THSD4: variants seen among roughly 807,000 people sequenced by gnomAD.
THSD4 encodes the protein thrombospondin type-1 domain-containing protein 4.
THSD4 carries 69 observed loss-of-function variants against 119.0 expected under a neutral mutation model. The ratio of observed to expected loss-of-function variants is 0.58; its 90% CI spans 0.48 to 0.71. THSD4 has a LOEUF of 0.71. THSD4 is among the 30% of genes least tolerant of loss of function. The pLI, the probability that THSD4 is intolerant of heterozygous loss-of-function variation, is 0.00. For missense variants in THSD4, 1,393 were observed against 1,391.1 expected (o/e 1.00, Z -0.02); for synonymous variants, 524 against 540.4 (o/e 0.97, Z 0.42).
chr15:71,743,325 C>G (rs2053272400), intron 11 of THSD4, among the ~76,000 whole-genome samples: 1 of 152,142 alleles, frequency 6.6e-6, no homozygotes, highest in Admixed American at 6.5e-5. Context: ...TGAGATAGTT[C>G]CTTTTGCTTT....
intron 6 of THSD4, among the ~76,000 whole-genome samples, chr15:71,314,929 T>G (rs1238083546): frequency 6.6e-6 from 1 of 152,212 alleles, no homozygotes; most frequent in East Asian, 1.9e-4. Flanking sequence ...ATACTTTCAC[T>G]CTCTTATCTA....
At chr15:71,300,668 A>C (rs779656379) in intron 6 of THSD4, among the ~76,000 whole-genome samples, 10 of 152,224 alleles carry the variant, frequency 6.6e-5, no homozygotes, top group Non-Finnish European at 1.3e-4. Context: ...ACTATAGTAA[A>C]AATCTAGAAT....
At chr15:71,415,467 C>T (rs2046747218) in intron 7 of THSD4, among the ~76,000 whole-genome samples, 1 of 152,168 alleles carries the variant, frequency 6.6e-6, no homozygotes, top group Non-Finnish European at 1.5e-5. Context: ...TACAGGCAAA[C>T]AATATATAAT....
chr15:71,231,812 T>C (rs1043977909), intron 4 of THSD4, among the ~76,000 whole-genome samples: 9 of 152,196 alleles, frequency 5.9e-5, no homozygotes, highest in Non-Finnish European at 1.0e-4. Flanking sequence ...GTCAGAGTTT[T>C]GCCTCTTATC....
At chr15:71,565,620 G>A (rs1348125942) in intron 7 of THSD4, among the ~76,000 whole-genome samples, 1 of 150,018 alleles carries the variant, frequency 6.7e-6, no homozygotes, top group Non-Finnish European at 1.5e-5. Flanking sequence ...GGAAGGATGT[G>A]TTAGAAGTGA....
chr15:71,187,435 T>A (rs1159937264), intron 3 of THSD4: 1 of 152,636 alleles, frequency 6.6e-6, no homozygotes, highest in Non-Finnish European at 1.5e-5. Context: ...TTGTCCATTG[T>A]CCTAAGGTTG....
At chr15:71,103,820 TG>T (rs1331994431) in intron 1 of THSD4, among the ~76,000 whole-genome samples, 1 of 152,094 alleles carries the variant, frequency 6.6e-6, no homozygotes, top group Non-Finnish European at 1.5e-5. Flanking sequence ...ACTCTCTCTC[TG>T]ACTCTTCAGA....
intron 6 of THSD4, among the ~76,000 whole-genome samples, chr15:71,280,281 T>C (rs1345218543): frequency 6.6e-6 from 1 of 152,128 alleles, no homozygotes; most frequent in Admixed American, 6.5e-5. Flanking sequence ...GGCCAGATTA[T>C]AGAGGGCCTC....
At chr15:71,366,510 G>A (rs2045967029) in intron 6 of THSD4, among the ~76,000 whole-genome samples, 1 of 152,228 alleles carries the variant, frequency 6.6e-6, no homozygotes, top group Non-Finnish European at 1.5e-5. Flanking sequence ...TTCTTCTGAG[G>A]CTCCTCCTGG....
intron 6 of THSD4, among the ~76,000 whole-genome samples, chr15:71,368,619 G>T (rs1489936477): frequency 6.6e-6 from 1 of 152,090 alleles, no homozygotes; most frequent in East Asian, 1.9e-4. Context: ...ATTTCTGAGG[G>T]CTGTGTTCTG....
At chr15:71,508,090 C>A (rs766926683) in intron 7 of THSD4, among the ~76,000 whole-genome samples, 1 of 152,126 alleles carries the variant, frequency 6.6e-6, no homozygotes, top group South Asian at 2.1e-4. Flanking sequence ...GCTAAGGGGG[C>A]GGGAGGACCA....
At chr15:71,399,345 A>C (rs2046493769) in intron 6 of THSD4, among the ~76,000 whole-genome samples, 1 of 152,170 alleles carries the variant, frequency 6.6e-6, no homozygotes, top group African/African-American at 2.4e-5. Flanking sequence ...TAAAATTTAC[A>C]AAAGGTAGGA....
At chr15:71,223,077 C>T (rs1372828) in intron 4 of THSD4, among the ~76,000 whole-genome samples, 79,923 of 152,086 alleles carry the variant, frequency 0.53, 21,674 homozygotes, top group Admixed American at 0.63. Flanking sequence ...CGTCTCAATG[C>T]CTTCCACCTG....
chr15:71,664,089 T>G (rs1477749978), intron 8 of THSD4, among the ~76,000 whole-genome samples: 5 of 151,984 alleles, frequency 3.3e-5, no homozygotes, highest in Non-Finnish European at 5.9e-5. Context: ...TTCACGCCAT[T>G]CTCCTGCCTC....
chr15:71,746,447 TGCAGTGGC>T (rs552590792), intron 12 of THSD4, among the ~76,000 whole-genome samples: 1 of 152,254 alleles, frequency 6.6e-6, no homozygotes, highest in South Asian at 2.1e-4. Flanking sequence ...CAGGCTGGAG[TGCAGTGGC>T]ACAATCATGG....
intron 7 of THSD4, among the ~76,000 whole-genome samples, chr15:71,515,602 C>G (rs905456315): frequency 2.0e-5 from 3 of 152,114 alleles, no homozygotes; most frequent in African/African-American, 7.2e-5. Flanking sequence ...AAATCTTCGG[C>G]TATTTAAAGC....
At chr15:71,697,918 C>CT (rs5813654) in intron 8 of THSD4, among the ~76,000 whole-genome samples, 29,026 of 146,574 alleles carry the variant, frequency 0.2, 3,199 homozygotes, top group African/African-American at 0.32. Context: ...AGAAATAATC[C>CT]TTTTTTTTTT....
intron 6 of THSD4, among the ~76,000 whole-genome samples, chr15:71,381,797 G>A (rs1311618350): frequency 6.6e-6 from 1 of 152,146 alleles, no homozygotes; most frequent in Non-Finnish European, 1.5e-5. Flanking sequence ...TTTTGGAACA[G>A]TCATCTTAAT....
intron 6 of THSD4, chr15:71,348,118 T>C (rs1339904949): frequency 6.6e-6 from 1 of 152,226 alleles, no homozygotes; most frequent in Non-Finnish European, 1.5e-5. Flanking sequence ...GTTAAAATCT[T>C]GCTTTTCTGA....
Sources: allele counts gnomAD v4.1 joint callset (sites outside exome capture counted in the v4.1 genomes callset), GRCh38; gene constraint gnomAD v4.1.1; transcripts MANE v1.5; gene names NCBI Gene and HGNC (gene_info 2026-07-23, HGNC 2026-07-21).